TPT1: variants seen among roughly 807,000 people sequenced by gnomAD.
The protein encoded by TPT1 is tumor protein, translationally-controlled 1.
In TPT1, 5 loss-of-function variants were observed where a neutral mutation model predicts 22.8. That is an observed-to-expected ratio of 0.22 (90% confidence interval 0.11 to 0.46). The LOEUF (loss-of-function observed/expected upper bound fraction) is 0.46, where lower values mean the gene tolerates loss of function less well. TPT1 is among the 20% of genes least tolerant of loss of function. The pLI is 0.99. For missense variants in TPT1, 130 were observed against 218.7 expected (o/e 0.59, Z 2.56); for synonymous variants, 89 against 73.6 (o/e 1.21, Z -1.07).
In TPT1 at chr13:45,335,035, C is replaced by CT. The variant is rs1415304552; in HGVS notation, c.*2350dup. 2 of 152,222 alleles carry CT rather than the reference C, an allele frequency of 1.3e-5. No homozygotes were observed. 9.4% of individuals were successfully genotyped at this position (152,222 alleles called of 1,614,324 possible). On this transcript the variant is annotated 3_prime_UTR_variant, in exon 6 of 6. Transcript: ENST00000530705. ...TTGCTCCACTCAGTTGTTCTCCACA[C>CT]TTTAACAAACCCTAGGGCCCACAGG...
At chr13:45,338,893 C>T (rs2234224) in intron 4 of TPT1, 117 bp from the exon 5 acceptor site, 26,294 of 788,606 alleles carry the variant, frequency 0.033, 1,496 homozygotes, top group African/African-American at 0.21. Flanking sequence ...AACTTCAGTA[C>T]CCAAAAGCTC....
intron 3 of TPT1, 173 bp downstream of exon 3, chr13:45,339,821 G>A: frequency 3.9e-6 from 3 of 762,762 alleles, no homozygotes; most frequent in South Asian, 2.0e-5. Context: ...CAGACTGCAG[G>A]CTTCAGTATG....
At chr13:45,338,400 T>G in intron 5 of TPT1, 18 of 556,176 alleles carry the variant, frequency 3.2e-5, no homozygotes, top group Non-Finnish European at 5.1e-5. Flanking sequence ...ATTACAGGTG[T>G]GAGCCACCAC....
intron 5 of TPT1, chr13:45,338,060 T>C (rs1002918566): frequency 6.2e-6 from 1 of 161,968 alleles, no homozygotes; most frequent in Admixed American, 6.0e-5. Context: ...GATTATGAAG[T>C]GAAAGTGAGG....
At chr13:45,337,472 C>G in intron 5 of TPT1, 84 bp from the exon 6 acceptor site, 1 of 1,613,982 alleles carries the variant, frequency 6.2e-7, no homozygotes, top group Non-Finnish European at 8.5e-7. Flanking sequence ...CCTACATTTC[C>G]AGGCTAAAGA....
chr13:45,340,344 G>T, intron 2 of TPT1, 160 bp from the exon 3 acceptor site: 2 of 1,034,708 alleles, frequency 1.9e-6, no homozygotes, highest in Non-Finnish European at 2.9e-6. Context: ...TTCTCAAAAC[G>T]ACCTAACTTA....
In TPT1 at chr13:45,336,403, A is replaced by C. The variant is rs373725404; in HGVS notation, c.*983T>G. ...TCTTCTTGCATCTGTGGTGGAAACCATAGCAGCAGATAGCAACTGCTCCAG... is the reference window on the plus strand; with the variant it reads ...TCTTCTTGCATCTGTGGTGGAAACCCTAGCAGCAGATAGCAACTGCTCCAG... On this transcript the variant is annotated 3_prime_UTR_variant, in exon 6 of 6. Coordinates refer to ENST00000530705, the MANE Select transcript of TPT1 (RefSeq NM_003295.4). 19 of 152,362 alleles carry C rather than the reference A, an allele frequency of 1.2e-4. No individual in the cohort carries two copies. In the East Asian group the frequency reaches 3.7e-3, roughly 29 times the overall value. 9.4% of individuals were successfully genotyped at this position (152,362 alleles called of 1,614,324 possible). A position where few individuals can be genotyped will look rare whatever the true frequency, so the allele number is the denominator to read the frequency against.
chr13:45,340,247 C>G, intron 2 of TPT1, 63 bp from the exon 3 acceptor site: 1 of 1,536,530 alleles, frequency 6.5e-7, no homozygotes, highest in Non-Finnish European at 8.9e-7. Context: ...ACCTTCCACG[C>G]CAATAGTTCA....
intron 4 of TPT1, chr13:45,339,036 C>T (rs558295447): frequency 2.7e-6 from 1 of 377,266 alleles, no homozygotes. Flanking sequence ...ATCCTAAATA[C>T]AATCCCAAAC....
At chr13:45,339,053 G>A (rs1593556475) in intron 4 of TPT1, 2 of 346,374 alleles carry the variant, frequency 5.8e-6, no homozygotes, top group South Asian at 6.8e-5. Context: ...AAACCCTAAA[G>A]CGTGCTTATA....
Position 45,334,293 on chromosome 13 carries a change from T to C in TPT1, c.*3093A>G, listed in dbSNP as rs1878542004. The C allele has an allele frequency of 6.6e-6, 1 of 152,252 alleles. No homozygotes were observed. Among genetic ancestry groups the C allele is most frequent in the Non-Finnish European group, 1.5e-5 (1 of 68,066 alleles). The allele number at this position is 152,252 out of a possible 1,614,324, so 9.4% of individuals were successfully genotyped here. On this transcript the variant is annotated 3_prime_UTR_variant, in exon 6 of 6. Transcript: ENST00000530705. ...CTCAGCCTTCTGAGTACAAGTGCAGTGGGAGCACCTCTTAATTACCTTTGT... is the reference window on the plus strand; with the variant it reads ...CTCAGCCTTCTGAGTACAAGTGCAGCGGGAGCACCTCTTAATTACCTTTGT...
Position 45,340,354 on chromosome 13 carries a change from A to G in TPT1, c.103-170T>C, listed in dbSNP as rs780407267. ...TGGATTTCTCAAAACGACCTAACTT[A>G]AAAGAGTTGTCTGTTGGCCGGAACA... On this transcript the variant is annotated intron_variant, in intron 2 of 5. Transcript: ENST00000530705. 28 of 992,232 alleles carry G rather than the reference A, an allele frequency of 2.8e-5. No individual in the cohort carries two copies. In the African/African-American group the frequency reaches 4.3e-4, roughly 15 times the overall value. 61.5% of individuals were successfully genotyped at this position (992,232 alleles called of 1,614,324 possible). A position where few individuals can be genotyped will look rare whatever the true frequency, so the allele number is the denominator to read the frequency against.
At position 45,338,748 on chromosome 13, in the gene TPT1, T is replaced by A; in HGVS notation, c.428A>T (p.Asp143Val). ...GTAGTCCAATAGAGCAACCATGCCA[T>A]CTGGATTCATGTTTTCACCAATAAA... ...QFFIGENMNP[D>V]GMVALLDYRE... is the part of the protein sequence containing the mutation. Residue 143 changes from aspartate to valine, a missense_variant, in exon 5 of 6, where the codon GAT becomes GTT. Transcript: ENST00000530705. The A allele has an allele frequency of 6.3e-7, 1 of 1,595,478 alleles. No homozygotes were observed. Among genetic ancestry groups the A allele is most frequent in the Non-Finnish European group, 8.5e-7 (1 of 1,175,410 alleles).
chr13:45,335,041 C>T lies in TPT1; in HGVS notation c.*2345G>A, dbSNP rs762074902. The stretch of plus-strand genomic sequence containing the variant: ...CACTCAGTTGTTCTCCACACTTTAA[C>T]AAACCCTAGGGCCCACAGGCTACTA... On this transcript the variant is annotated 3_prime_UTR_variant, in exon 6 of 6. Coordinates refer to ENST00000530705, the MANE Select transcript of TPT1 (RefSeq NM_003295.4). 1.3e-5 allele frequency: 2 copies of T among 152,228 alleles called. No homozygotes were observed. Among genetic ancestry groups the T allele is most frequent in the Admixed American group, 6.5e-5 (1 of 15,276 alleles). The allele number at this position is 152,228 out of a possible 1,614,324, so 9.4% of individuals were successfully genotyped here.
At chr13:45,337,417 T>C in intron 5 of TPT1, 29 bp from the exon 6 acceptor site, 1 of 1,614,152 alleles carries the variant, frequency 6.2e-7, no homozygotes. Context: ...CATTAATATT[T>C]TTCAAACATT....
rs1340787080 is a variant in TPT1 at position 45,338,648 on chromosome 13, C to A, written c.516+12G>T. The A allele has an allele frequency of 6.2e-7, 1 of 1,610,120 alleles. No individual in the cohort carries two copies. The highest frequency in any genetic ancestry group is 1.3e-5 in the African/African-American group (1 of 74,714). ...TTACATTATTTATTTTAACCCACTT[C>A]CTTGTACTTACACATTTTTCCATTT... On this transcript the variant is annotated intron_variant, in intron 5 of 5. Transcript: ENST00000530705.
intron 1 of TPT1, 104 bp from the exon 2 acceptor site, chr13:45,340,889 C>T: frequency 6.7e-7 from 1 of 1,485,544 alleles, no homozygotes; most frequent in South Asian, 1.3e-5. Flanking sequence ...CCGTAGCACA[C>T]CAGAGCTGGG....
intron 5 of TPT1, 22 bp downstream of exon 5, chr13:45,338,634 ATTTT>A (rs1449564541): frequency 1.9e-6 from 3 of 1,601,360 alleles, no homozygotes; most frequent in African/African-American, 1.3e-5. Context: ...TACATTATTT[ATTTT>A]AACCCACTTC....
rs748664068 is a variant in TPT1, at chr13:45,339,987, C to A, written c.293+7G>T. 1 of 1,613,520 alleles carries A rather than the reference C, an allele frequency of 6.2e-7. No homozygotes were observed. The highest frequency in any genetic ancestry group is 8.5e-7 in the Non-Finnish European group (1 of 1,179,644). ...GACATCAGCTAGGTACTGCCAGTATCACTTACGATTTCATGTAATCTTTGA... is the reference window on the plus strand; with the variant it reads ...GACATCAGCTAGGTACTGCCAGTATAACTTACGATTTCATGTAATCTTTGA... On this transcript the variant is annotated splice_region_variant and intron_variant, in intron 3 of 5. Transcript: ENST00000530705.
Sources: gnomAD v4.1 joint callset for allele counts on GRCh38, gnomAD v4.1.1 for gene constraint, MANE v1.5 for transcripts, NCBI Gene and HGNC (gene_info 2026-07-23, HGNC 2026-07-21) for gene names.